The following C8orf34 variants were observed in gnomAD, a reference collection of about 807,000 sequenced individuals.
C8orf34 encodes uncharacterized protein C8orf34.
C8orf34 carries 65 observed loss-of-function variants against 68.3 expected under a neutral mutation model. The ratio of observed to expected loss-of-function variants is 0.95; its 90% CI spans 0.78 to 1.17. C8orf34 has a LOEUF of 1.17. C8orf34 is among the 50% of genes most tolerant of loss of function. The pLI is 0.00. For missense variants in C8orf34, 664 were observed against 655.4 expected (o/e 1.01, Z -0.14); for synonymous variants, 244 against 241.2 (o/e 1.01, Z -0.11).
intron 7 of C8orf34, among the ~76,000 whole-genome samples, chr8:68,588,339 G>C (rs994520043): frequency 7.2e-5 from 11 of 152,138 alleles, no homozygotes; most frequent in Non-Finnish European, 1.3e-4. Flanking sequence ...AAAGCAGATA[G>C]TATAAAGCAT....
intron 12 of C8orf34, among the ~76,000 whole-genome samples, chr8:68,809,864 T>C (rs1330640598): frequency 6.6e-6 from 1 of 152,142 alleles, no homozygotes; most frequent in Non-Finnish European, 1.5e-5. Flanking sequence ...AAGAAACTAC[T>C]TGTGTAGGCA....
intron 12 of C8orf34, among the ~76,000 whole-genome samples, chr8:68,803,498 T>TA (rs568630628): frequency 1.3e-5 from 2 of 150,604 alleles, no homozygotes; most frequent in East Asian, 2.0e-4. Context: ...TTTCTTAATC[T>TA]AAAAAAAAAG....
intron 10 of C8orf34, among the ~76,000 whole-genome samples, chr8:68,736,258 G>A (rs1233620786): frequency 6.6e-6 from 1 of 152,092 alleles, no homozygotes; most frequent in Non-Finnish European, 1.5e-5. Context: ...CCAGGTCTGT[G>A]GCTGGTTTTC....
intron 8 of C8orf34, among the ~76,000 whole-genome samples, chr8:68,704,029 A>G (rs769216802): frequency 3.9e-5 from 6 of 152,230 alleles, no homozygotes; most frequent in Non-Finnish European, 7.3e-5. Context: ...CCAAGATGAA[A>G]TAATCACTAA....
intron 5 of C8orf34, among the ~76,000 whole-genome samples, chr8:68,505,377 G>GT (rs1339126869): frequency 6.6e-6 from 1 of 152,088 alleles, no homozygotes; most frequent in Non-Finnish European, 1.5e-5. Flanking sequence ...TAGCTGGTGG[G>GT]TTTGGTGGTA....
At chr8:68,651,882 A>T (rs118090871) in intron 8 of C8orf34, among the ~76,000 whole-genome samples, 111 of 152,316 alleles carry the variant, frequency 7.3e-4, no homozygotes, top group Non-Finnish European at 1.5e-3. Context: ...AAACCTGTAC[A>T]TGTACCCCTG....
At chr8:68,740,478 CG>C (rs769306237) in intron 10 of C8orf34, among the ~76,000 whole-genome samples, 1 of 151,578 alleles carries the variant, frequency 6.6e-6, no homozygotes, top group Non-Finnish European at 1.5e-5. Context: ...AATAAGCATA[CG>C]AAAAAAAAGC....
intron 1 of C8orf34, among the ~76,000 whole-genome samples, chr8:68,392,803 GTTA>G (rs1283740249): frequency 6.6e-6 from 1 of 152,014 alleles, no homozygotes; most frequent in African/African-American, 2.4e-5. Context: ...TCTTTCATAG[GTTA>G]TTATGATTTT....
intron 10 of C8orf34, among the ~76,000 whole-genome samples, chr8:68,763,285 A>G (rs1000100615): frequency 5.9e-5 from 9 of 152,144 alleles, no homozygotes; most frequent in Non-Finnish European, 1.2e-4. Context: ...ATCCTTCCCT[A>G]ACTTTGTTTC....
At chr8:68,617,363 C>G (rs1218414083) in intron 7 of C8orf34, among the ~76,000 whole-genome samples, 1 of 152,190 alleles carries the variant, frequency 6.6e-6, no homozygotes, top group Non-Finnish European at 1.5e-5. Flanking sequence ...TTAGTTGATG[C>G]AGTTTCTTCC....
At chr8:68,526,114 T>G (rs1000456646) in intron 6 of C8orf34, among the ~76,000 whole-genome samples, 4 of 151,876 alleles carry the variant, frequency 2.6e-5, no homozygotes, top group African/African-American at 9.7e-5. Context: ...TGCCCCACCA[T>G]GCCCAGCTAA....
At chr8:68,643,888 G>A (rs545049349) in intron 8 of C8orf34, among the ~76,000 whole-genome samples, 1 of 152,270 alleles carries the variant, frequency 6.6e-6, no homozygotes, top group South Asian at 2.1e-4. Flanking sequence ...CTATATTCTG[G>A]AAATACTTCA....
intron 5 of C8orf34, among the ~76,000 whole-genome samples, chr8:68,492,869 A>G (rs1352061059): frequency 6.6e-6 from 1 of 151,960 alleles, no homozygotes; most frequent in Non-Finnish European, 1.5e-5. Flanking sequence ...GTAGCCCAGT[A>G]TTCTGAAAAA....
intron 3 of C8orf34, 193 bp downstream of exon 3, chr8:68,446,653 C>T (rs560174801): frequency 1.7e-6 from 1 of 575,406 alleles, no homozygotes; most frequent in South Asian, 2.6e-5. Context: ...CTTATATTCT[C>T]AAACATGTGT....
chr8:68,447,965 A>G (rs1811191684), intron 3 of C8orf34: 2 of 152,242 alleles, frequency 1.3e-5, no homozygotes, highest in Non-Finnish European at 2.9e-5. Context: ...GTTTCAATTA[A>G]TAAATGCTAA....
chr8:68,519,806 A>G (rs1453329918), intron 5 of C8orf34, among the ~76,000 whole-genome samples: 1 of 152,194 alleles, frequency 6.6e-6, no homozygotes, highest in Non-Finnish European at 1.5e-5. Context: ...TATAATTCTT[A>G]TCATCCCCAT....
chr8:68,698,916 T>C (rs1450191155), intron 8 of C8orf34, among the ~76,000 whole-genome samples: 1 of 152,128 alleles, frequency 6.6e-6, no homozygotes, highest in Non-Finnish European at 1.5e-5. Flanking sequence ...TTTGAAATTC[T>C]GGGCATGTTG....
At chr8:68,505,286 A>G (rs1813958857) in intron 5 of C8orf34, among the ~76,000 whole-genome samples, 1 of 152,214 alleles carries the variant, frequency 6.6e-6, no homozygotes, top group South Asian at 2.1e-4. Context: ...ATGACTAATT[A>G]TGTCGATAAT....
Position 68,601,291 on chromosome 8 carries a change from C to G in C8orf34, c.1106-39085C>G, listed in dbSNP as rs568132277. ...TTCTTGAATCCATAGGTTTATGTTT[C>G]TCAAGCATTATTTCTTCAAATACTT... On this transcript the variant is annotated intron_variant, in intron 7 of 13. Coordinates refer to ENST00000518698, the MANE Select transcript of C8orf34 (RefSeq NM_052958.4). Among the ~76,000 whole-genome samples, 6 of 152,074 alleles carry G rather than the reference C, an allele frequency of 3.9e-5. No homozygotes were observed. In the South Asian group the frequency reaches 1.2e-3, roughly 32 times the overall value.
Sources: allele counts gnomAD v4.1 joint callset (sites outside exome capture counted in the v4.1 genomes callset), GRCh38; gene constraint gnomAD v4.1.1; transcripts MANE v1.5; gene names NCBI Gene and HGNC (gene_info 2026-07-23, HGNC 2026-07-21).